Variants in KIAA0825 observed in about 807,000 individuals in gnomAD.
KIAA0825 encodes the protein uncharacterized protein KIAA0825.
A neutral mutation model predicts 147.6 loss-of-function variants in KIAA0825; 119 were observed. The observed-to-expected ratio is 0.81, with a 90% CI of 0.69 to 0.94. The LOEUF is 0.94. KIAA0825 is among the 40% of genes least tolerant of loss of function. The probability of loss-of-function intolerance (pLI) is 0.00; values close to 1 mark genes in which losing one functional copy is unlikely to be tolerated. For synonymous variants in KIAA0825, 470 were observed against 518.1 expected (o/e 0.91, Z 1.26); for missense variants, 1,381 against 1,472.7 (o/e 0.94, Z 1.02).
intron 5 of KIAA0825, among the ~76,000 whole-genome samples, chr5:94,512,419 A>G (rs1766620193): frequency 6.6e-6 from 1 of 152,132 alleles, no homozygotes; most frequent in African/African-American, 2.4e-5. Context: ...TAAACATTTT[A>G]ATATGAAACA....
At chr5:94,600,699 T>C (rs1786242193) in intron 1 of KIAA0825, among the ~76,000 whole-genome samples, 1 of 152,218 alleles carries the variant, frequency 6.6e-6, no homozygotes, top group African/African-American at 2.4e-5. Context: ...TACTTGAGGC[T>C]GCTTGGACAA....
intron 20 of KIAA0825, among the ~76,000 whole-genome samples, chr5:94,240,783 A>G (rs945841310): frequency 2.0e-5 from 3 of 152,192 alleles, no homozygotes; most frequent in African/African-American, 7.2e-5. Context: ...GTGAGCCAAG[A>G]ATGCACTTAG....
intron 20 of KIAA0825, among the ~76,000 whole-genome samples, chr5:94,273,339 A>G (rs1777078051): frequency 6.6e-6 from 1 of 152,202 alleles, no homozygotes; most frequent in South Asian, 2.1e-4. Context: ...TCAAGAAAAT[A>G]TAATACTGGG....
intron 19 of KIAA0825, among the ~76,000 whole-genome samples, 194 bp downstream of exon 19, chr5:94,386,048 G>A (rs1749097194): frequency 6.6e-6 from 1 of 152,078 alleles, no homozygotes; most frequent in African/African-American, 2.4e-5. Flanking sequence ...CCAAACATAT[G>A]AATCAGTTTG....
intron 5 of KIAA0825, among the ~76,000 whole-genome samples, chr5:94,489,332 C>T (rs1176408025): frequency 1.3e-5 from 2 of 152,082 alleles, no homozygotes; most frequent in Non-Finnish European, 2.9e-5. Context: ...ATTTCTGGAT[C>T]TTCTCCAGAA....
chr5:94,311,420 A>G (rs1274502262), intron 20 of KIAA0825, among the ~76,000 whole-genome samples: 1 of 151,544 alleles, frequency 6.6e-6, no homozygotes, highest in Non-Finnish European at 1.5e-5. Context: ...CTGAATTTAT[A>G]TTTTTAAAAT....
At chr5:94,593,865 C>T (rs1441169251) in intron 1 of KIAA0825, 1 of 371,968 alleles carries the variant, frequency 2.7e-6, no homozygotes, top group South Asian at 2.3e-5. Context: ...TCCATTCTGG[C>T]CTCTGCTATT....
intron 20 of KIAA0825, among the ~76,000 whole-genome samples, chr5:94,282,406 C>A (rs1322338131): frequency 6.6e-6 from 1 of 151,934 alleles, no homozygotes; most frequent in Admixed American, 6.6e-5. Flanking sequence ...TTAAGACATA[C>A]CATAAAGCCA....
At chr5:94,413,731 C>T (rs1168394530) in intron 15 of KIAA0825, 5 of 152,126 alleles carry the variant, frequency 3.3e-5, no homozygotes, top group Non-Finnish European at 5.9e-5. Context: ...CAGATTTATA[C>T]ATTGGTCAAA....
At chr5:94,232,081 A>G (rs1774741765) in intron 20 of KIAA0825, among the ~76,000 whole-genome samples, 1 of 152,136 alleles carries the variant, frequency 6.6e-6, no homozygotes, top group African/African-American at 2.4e-5. Context: ...CAGAATAACT[A>G]AAGACAGAAG....
chr5:94,504,746 CTTTTTTT>C (rs564291886), intron 5 of KIAA0825, among the ~76,000 whole-genome samples: 20 of 122,982 alleles, frequency 1.6e-4, no homozygotes, highest in African/African-American at 5.8e-4. Context: ...TTTTTCTTTT[CTTTTTTT>C]TTTTTTTTTT....
At chr5:94,539,952 C>T (rs1318858827) in intron 2 of KIAA0825, among the ~76,000 whole-genome samples, 2 of 152,096 alleles carry the variant, frequency 1.3e-5, no homozygotes, top group African/African-American at 4.8e-5. Context: ...GATCACAGGA[C>T]ATGGGGAGCT....
chr5:94,545,227 T>C (rs1376621310), intron 2 of KIAA0825, among the ~76,000 whole-genome samples: 2 of 152,106 alleles, frequency 1.3e-5, no homozygotes, highest in Non-Finnish European at 2.9e-5. Flanking sequence ...TCTGCAATCG[T>C]TGCCACCACA....
chr5:94,367,730 T>C (rs1287516432), intron 20 of KIAA0825, among the ~76,000 whole-genome samples: 1 of 152,130 alleles, frequency 6.6e-6, no homozygotes, highest in Non-Finnish European at 1.5e-5. Flanking sequence ...AAAAAGAAAA[T>C]ATATTTAAAA....
chr5:94,460,720 T>C (rs1426998744), intron 12 of KIAA0825, among the ~76,000 whole-genome samples: 1 of 152,024 alleles, frequency 6.6e-6, no homozygotes, highest in Non-Finnish European at 1.5e-5. Flanking sequence ...AACACACAAA[T>C]ATATTTTTCC....
intron 3 of KIAA0825, among the ~76,000 whole-genome samples, chr5:94,536,296 T>A (rs1202765425): frequency 5.3e-5 from 8 of 152,178 alleles, no homozygotes; most frequent in Non-Finnish European, 1.0e-4. Context: ...TCTTAAATTT[T>A]AAAAAAAGAA....
chr5:94,524,092 T>C lies in KIAA0825; in HGVS notation c.138A>G (p.Lys46=). The change falls in exon 4 of 21, where the codon AAA becomes AAG. Residue 46 remains lysine, a synonymous_variant. Transcript: ENST00000682413. ...EKIEQNAASI[K]HCIKEIQSEI... ...CGGACTGTATCTCTTTAATGCAATG[T>C]TTTATGCTATAAAAAACAGAAGAAA... The C allele has an allele frequency of 6.3e-7, 1 of 1,597,108 alleles. No homozygotes were observed. The highest frequency in any genetic ancestry group is 1.1e-5 in the South Asian group (1 of 88,138).
chr5:94,229,291 T>C (rs1364161067), intron 20 of KIAA0825, among the ~76,000 whole-genome samples: 3 of 152,212 alleles, frequency 2.0e-5, no homozygotes, highest in Non-Finnish European at 4.4e-5. Flanking sequence ...AGTCTTTGGT[T>C]TTCAGTGTTG....
At chr5:94,583,578 T>G (rs189956058) in intron 1 of KIAA0825, among the ~76,000 whole-genome samples, 1 of 152,178 alleles carries the variant, frequency 6.6e-6, no homozygotes, top group African/African-American at 2.4e-5. Context: ...CCTCTCTAGA[T>G]TCCACCTCTG....
Sources: gnomAD v4.1 joint callset for allele counts (sites outside exome capture counted in the v4.1 genomes callset) on GRCh38, gnomAD v4.1.1 for gene constraint, MANE v1.5 for transcripts, NCBI Gene and HGNC (gene_info 2026-07-23, HGNC 2026-07-21) for gene names.